TPST2: variants seen among roughly 807,000 people sequenced by gnomAD.
The protein encoded by TPST2 is protein-tyrosine sulfotransferase 2.
In TPST2, 16 loss-of-function variants were observed where a neutral mutation model predicts 27.8. The ratio of observed to expected loss-of-function variants is 0.58; its 90% CI spans 0.39 to 0.88. The LOEUF (loss-of-function observed/expected upper bound fraction) is 0.88, where lower values mean the gene tolerates loss of function less well. Among genes scored for constraint, TPST2 ranks in the 40% least tolerant of loss-of-function variants. The pLI is 0.00. For missense variants in TPST2, 464 were observed against 543.1 expected (o/e 0.85, Z 1.45); for synonymous variants, 229 against 231.7 (o/e 0.99, Z 0.10).
intron 3 of TPST2, among the ~76,000 whole-genome samples, chr22:26,538,091 C>G (rs528619449): frequency 6.6e-6 from 1 of 152,220 alleles, no homozygotes; most frequent in African/African-American, 2.4e-5. Context: ...AGGGGCCTGA[C>G]AGGATGAATG....
intron 1 of TPST2, among the ~76,000 whole-genome samples, chr22:26,579,237 A>G (rs1203294058): frequency 6.6e-6 from 1 of 152,208 alleles, no homozygotes; most frequent in African/African-American, 2.4e-5. Context: ...TCTACTGTGC[A>G]CTTGAGCAAG....
rs140647489 is a variant in TPST2, at chr22:26,528,211, T to C, written c.*7+3A>G. 3.0e-4 allele frequency: 463 copies of C among 1,560,650 alleles called. 4 individuals are homozygous for C. In the East Asian group the frequency reaches 7.2e-3, roughly 24 times the overall value. On this transcript the variant is annotated splice_donor_region_variant and intron_variant, in intron 6 of 6. Transcript: ENST00000338754. ...GAACCCCCAGTGAAGTCCACAGGCTTACCTGGAAATCACGAGCTTCCTAAG... is the reference window on the plus strand; with the variant it reads ...GAACCCCCAGTGAAGTCCACAGGCTCACCTGGAAATCACGAGCTTCCTAAG...
intron 1 of TPST2, among the ~76,000 whole-genome samples, chr22:26,557,021 C>A (rs1926838399): frequency 6.6e-6 from 1 of 152,262 alleles, no homozygotes; most frequent in Admixed American, 6.5e-5. Context: ...GAATTTGAGA[C>A]CCAGCCTGCG....
intron 4 of TPST2, among the ~76,000 whole-genome samples, chr22:26,535,491 A>T (rs1389959707): frequency 6.6e-6 from 1 of 152,220 alleles, no homozygotes; most frequent in Non-Finnish European, 1.5e-5. Flanking sequence ...CTTCAAAAGC[A>T]TTTTGTCAGT....
intron 1 of TPST2, among the ~76,000 whole-genome samples, chr22:26,559,142 G>C (rs565242995): frequency 6.6e-6 from 1 of 152,248 alleles, no homozygotes; most frequent in Admixed American, 6.5e-5. Flanking sequence ...CGAGGCAGGC[G>C]ATCACCTGAG....
At chr22:26,562,062 G>A (rs1283532785) in intron 1 of TPST2, among the ~76,000 whole-genome samples, 2 of 152,218 alleles carry the variant, frequency 1.3e-5, no homozygotes, top group Non-Finnish European at 2.9e-5. Flanking sequence ...TCAACAAGCT[G>A]GGGGACTTGA....
intron 1 of TPST2, among the ~76,000 whole-genome samples, chr22:26,571,956 TGGTG>T (rs1927645208): frequency 6.6e-6 from 1 of 152,174 alleles, no homozygotes; most frequent in Non-Finnish European, 1.5e-5. Flanking sequence ...TGTCCCCATA[TGGTG>T]GCATGTCACC....
intron 4 of TPST2, among the ~76,000 whole-genome samples, chr22:26,534,390 C>T (rs1925335962): frequency 6.6e-6 from 1 of 152,146 alleles, no homozygotes; most frequent in Non-Finnish European, 1.5e-5. Flanking sequence ...TTGTTGACCG[C>T]CCCAGGGAAG....
chr22:26,535,917 GTTTA>G (rs951709249), intron 4 of TPST2: 43 of 369,446 alleles, frequency 1.2e-4, no homozygotes, highest in African/African-American at 8.2e-4. Context: ...GGGACCAATA[GTTTA>G]TTTATTTATA....
At position 26,522,919 on chromosome 22, in the gene TPST2, TAA is replaced by T. The variant is rs1367988778; in HGVS notation, c.*3354_*3355del. On this transcript the variant is annotated 3_prime_UTR_variant, in exon 7 of 7. Transcript: ENST00000338754. Reference sequence around the variant, plus strand: ...TAGTGATTCCCCTCTTTACAAAAAATAAAAAGTTAGGTAGGTGTCATGGTCCA... The same window carrying T: ...TAGTGATTCCCCTCTTTACAAAAAATAAAGTTAGGTAGGTGTCATGGTCCA... 6.6e-6 allele frequency: 1 copy of T among 151,974 alleles called. No individual in the cohort carries two copies. Among genetic ancestry groups the T allele is most frequent in the African/African-American group, 2.4e-5 (1 of 41,346 alleles). 9.4% of individuals were successfully genotyped at this position (151,974 alleles called of 1,614,324 possible).
At position 26,528,199 on chromosome 22, in the gene TPST2, A is replaced by G. The variant is rs1924943497; in HGVS notation, c.*7+15T>C. 1.9e-6 allele frequency: 3 copies of G among 1,558,036 alleles called. No individual in the cohort carries two copies. Among genetic ancestry groups the G allele is most frequent in the Non-Finnish European group, 2.6e-6 (3 of 1,149,642 alleles). ...CAGAAGCAGCGGGAACCCCCAGTGA[A>G]GTCCACAGGCTTACCTGGAAATCAC... On this transcript the variant is annotated intron_variant, in intron 6 of 6. Coordinates refer to ENST00000338754, the MANE Select transcript of TPST2 (RefSeq NM_003595.5).
In TPST2 at chr22:26,577,804, T is replaced by C. The variant is rs896942136; in HGVS notation, c.-161+12249A>G. Among the ~76,000 whole-genome samples the C allele has an allele frequency of 3.3e-5, 5 of 151,420 alleles. 1 individual carries two copies. The South Asian group carries it at 6.3e-4, about 19-fold the overall frequency. On this transcript the variant is annotated intron_variant, in intron 1 of 6. Coordinates refer to ENST00000338754, the MANE Select transcript of TPST2 (RefSeq NM_003595.5). The stretch of plus-strand genomic sequence containing the variant: ...CTCCTGAGTAGCTGGGATTACAGGC[T>C]TGAGCCACCATGCCTGGCTAATTTT...
intron 1 of TPST2, among the ~76,000 whole-genome samples, chr22:26,550,138 G>C (rs1320252625): frequency 6.6e-6 from 1 of 151,954 alleles, no homozygotes; most frequent in East Asian, 1.9e-4. Flanking sequence ...GGAAGGGAGG[G>C]GCTAATCAAT....
chr22:26,549,816 G>A (rs1926360316), intron 1 of TPST2, among the ~76,000 whole-genome samples: 1 of 147,906 alleles, frequency 6.8e-6, no homozygotes, highest in African/African-American at 2.5e-5. Flanking sequence ...GGATCACGAA[G>A]TCAGGAGATC....
intron 1 of TPST2, among the ~76,000 whole-genome samples, chr22:26,554,628 G>T (rs2055842577): frequency 6.6e-6 from 1 of 152,204 alleles, no homozygotes; most frequent in Admixed American, 6.5e-5. Flanking sequence ...AAATGGGGAG[G>T]CCATTAACAC....
chr22:26,568,737 T>C (rs1927473881), intron 1 of TPST2, among the ~76,000 whole-genome samples: 1 of 152,210 alleles, frequency 6.6e-6, no homozygotes, highest in African/African-American at 2.4e-5. Context: ...TAGCATATGA[T>C]CAAGAAATAA....
At position 26,525,155 on chromosome 22, in the gene TPST2, G is replaced by C. The variant is rs1349111997; in HGVS notation, c.*1120C>G. 1 of 152,224 alleles carries C rather than the reference G, an allele frequency of 6.6e-6. No individual in the cohort carries two copies. Among genetic ancestry groups the C allele is most frequent in the Non-Finnish European group, 1.5e-5 (1 of 68,054 alleles). 9.4% of individuals were successfully genotyped at this position (152,224 alleles called of 1,614,324 possible). Reference sequence around the variant, plus strand: ...ATTGCTGGGAAAATTAAGTGTGTCTGTAAGACTCTACCAGGAGATGACAAC... The same window carrying C: ...ATTGCTGGGAAAATTAAGTGTGTCTCTAAGACTCTACCAGGAGATGACAAC... On this transcript the variant is annotated 3_prime_UTR_variant, in exon 7 of 7. Transcript: ENST00000338754.
intron 1 of TPST2, among the ~76,000 whole-genome samples, chr22:26,576,430 G>A (rs1427127934): frequency 6.6e-6 from 1 of 152,126 alleles, no homozygotes; most frequent in Non-Finnish European, 1.5e-5. Flanking sequence ...TTGGTTAGGG[G>A]AAGCAAGTCA....
At chr22:26,554,857 G>A (rs1049998971) in intron 1 of TPST2, among the ~76,000 whole-genome samples, 1 of 152,242 alleles carries the variant, frequency 6.6e-6, no homozygotes. Context: ...AGAATTGCTT[G>A]AACCCAGGAG....
Sources: allele counts gnomAD v4.1 joint callset (sites outside exome capture counted in the v4.1 genomes callset), GRCh38; gene constraint gnomAD v4.1.1; transcripts MANE v1.5; gene names NCBI Gene and HGNC (gene_info 2026-07-23, HGNC 2026-07-21).